RP1: variants seen among roughly 807,000 people sequenced by gnomAD.
The protein encoded by RP1 is RP1 axonemal microtubule associated.
Under a neutral mutation model 14.8 loss-of-function variants are expected in RP1, and 16 were observed. The observed-to-expected ratio is 1.08, with a 90% CI of 0.73 to 1.65. The LOEUF (loss-of-function observed/expected upper bound fraction) is 1.65, where lower values mean the gene tolerates loss of function less well. Ranked by LOEUF, RP1 falls within the 40% of genes most tolerant of loss-of-function variation. The pLI, the probability that RP1 is intolerant of heterozygous loss-of-function variation, is 0.00. For missense variants in RP1, 2,631 were observed against 2,535.0 expected, an observed-to-expected ratio of 1.04 and a Z score of -0.81; for synonymous variants, 876 against 883.6, an observed-to-expected ratio of 0.99 and a Z score of 0.15.
At chr8:54,744,098 C>T (rs1301468054) in intron 19 of RP1, among the ~76,000 whole-genome samples, 1 of 152,146 alleles carries the variant, frequency 6.6e-6, no homozygotes, top group African/African-American at 2.4e-5. Context: ...TCATATTTTT[C>T]AGGTAAAATC....
chr8:54,673,511 G>A (rs1231492992), intron 7 of RP1, among the ~76,000 whole-genome samples: 3 of 152,136 alleles, frequency 2.0e-5, no homozygotes, highest in African/African-American at 4.8e-5. Flanking sequence ...AGGTTGAGGC[G>A]GGCGGATTGC....
At chr8:54,729,596 C>A (rs1324028640) in intron 17 of RP1, among the ~76,000 whole-genome samples, 1 of 152,128 alleles carries the variant, frequency 6.6e-6, no homozygotes, top group Admixed American at 6.6e-5. Flanking sequence ...ACTTACTACT[C>A]CCCCAAAGAG....
At chr8:54,827,232 C>T (rs550968137) in intron 24 of RP1, among the ~76,000 whole-genome samples, 2 of 152,172 alleles carry the variant, frequency 1.3e-5, no homozygotes, top group African/African-American at 4.8e-5. Flanking sequence ...TCATCAATAA[C>T]AAAGTAACCT....
chr8:54,833,357 G>T (rs1340073599), intron 24 of RP1, among the ~76,000 whole-genome samples: 1 of 151,832 alleles, frequency 6.6e-6, no homozygotes, highest in East Asian at 1.9e-4. Context: ...CTCATTTAAG[G>T]TCAAATCCCT....
intron 22 of RP1, among the ~76,000 whole-genome samples, chr8:54,768,642 T>C (rs972371458): frequency 2.0e-5 from 3 of 152,208 alleles, no homozygotes; most frequent in Admixed American, 6.5e-5. Context: ...ACACGACTTT[T>C]CATTTCAGCT....
intron 1 of RP1, among the ~76,000 whole-genome samples, chr8:54,610,622 C>G (rs1444720795): frequency 2.6e-5 from 4 of 152,162 alleles, no homozygotes; most frequent in African/African-American, 9.7e-5. Context: ...GAGGTCCTCT[C>G]CATCTGAATA....
intron 3 of RP1, among the ~76,000 whole-genome samples, chr8:54,636,801 G>A (rs376601993): frequency 4.6e-5 from 7 of 152,242 alleles, no homozygotes; most frequent in African/African-American, 1.7e-4. Flanking sequence ...CATGGATGTG[G>A]TATAGAGAAT....
At chr8:54,739,045 A>AT in intron 19 of RP1, 1 of 1,510,656 alleles carries the variant, frequency 6.6e-7, no homozygotes, top group Non-Finnish European at 8.9e-7. Context: ...CATGTCACTT[A>AT]TTTTTTTCTT....
At chr8:54,863,827 T>C (rs1210152724) in intron 27 of RP1, among the ~76,000 whole-genome samples, 4 of 152,224 alleles carry the variant, frequency 2.6e-5, no homozygotes. Flanking sequence ...CAAATCACTA[T>C]GTGGATAACA....
intron 4 of RP1, among the ~76,000 whole-genome samples, chr8:54,652,597 T>C (rs1391242845): frequency 6.6e-6 from 1 of 152,178 alleles, no homozygotes; most frequent in African/African-American, 2.4e-5. Context: ...GTTTCTCTAT[T>C]CAGTTCTGTT....
chr8:54,677,977 G>A (rs1807333819), intron 8 of RP1, among the ~76,000 whole-genome samples: 1 of 152,054 alleles, frequency 6.6e-6, no homozygotes, highest in African/African-American at 2.4e-5. Context: ...TGTGTACCAG[G>A]TGAGTCTATG....
chr8:54,691,016 T>A (rs559862845), intron 12 of RP1, among the ~76,000 whole-genome samples: 1 of 152,204 alleles, frequency 6.6e-6, no homozygotes, highest in South Asian at 2.1e-4. Flanking sequence ...CAAAAGGCTC[T>A]GGGAGAGAAG....
chr8:54,749,289 C>T (rs1055068630), intron 19 of RP1, among the ~76,000 whole-genome samples: 4 of 151,810 alleles, frequency 2.6e-5, no homozygotes, highest in African/African-American at 9.7e-5. Flanking sequence ...CGAGATCACG[C>T]CACTGCACTC....
intron 1 of RP1, among the ~76,000 whole-genome samples, chr8:54,596,035 A>G (rs966483914): frequency 1.3e-5 from 2 of 152,238 alleles, no homozygotes; most frequent in Admixed American, 6.5e-5. Context: ...AACAAGAATG[A>G]TAATGATACA....
rs756000109 is a variant in RP1 at position 54,630,107 on chromosome 8, A to C, written c.6225A>C (p.Arg2075Ser). 3.7e-6 allele frequency: 6 copies of C among 1,613,964 alleles called. No homozygotes were observed. The East Asian group carries it at 1.1e-4, about 30-fold the overall frequency. ...AGAATAACAACTTATTAAATAACAG[A>C]TTCCAGGGCTCAAGAACAAATCTCA... ...VDENNNLLNN[R>S]FQGSRTNLNQ... The change falls in exon 4 of 4, where the codon AGA (arginine) becomes AGC (serine). Residue 2075 changes from arginine to serine, a missense_variant. By Grantham distance (110) the Arg-to-Ser change is moderately radical. Transcript: ENST00000220676.
rs781249059 is a variant in RP1 at position 54,621,418 on chromosome 8, GC to G, written c.458del (p.Pro153HisfsTer4). ...GCCGTCGCTGCTCCCGGCATGCCCC[GC>G]CCCCCACGGAGCCTAGTGGTCTTCA... ...PVAVAAPGMP[R>X]PPRSLVVFRN... is the part of the protein sequence containing the mutation. On this transcript the variant is annotated frameshift_variant, in exon 2 of 4. Transcript: ENST00000220676. LOFTEE classifies it high-confidence loss of function. 6.2e-7 allele frequency: 1 copy of G among 1,613,090 alleles called. No individual in the cohort carries two copies. The highest frequency in any genetic ancestry group is 8.5e-7 in the Non-Finnish European group (1 of 1,179,846).
At chr8:54,816,813 A>G (rs1324085924) in intron 24 of RP1, among the ~76,000 whole-genome samples, 9 of 151,976 alleles carry the variant, frequency 5.9e-5, no homozygotes, top group Admixed American at 5.9e-4. Context: ...TTCATCCTTC[A>G]TCCATTCTGT....
intron 24 of RP1, among the ~76,000 whole-genome samples, chr8:54,815,620 GTTGGATAGCA>G (rs1337957277): frequency 6.6e-6 from 1 of 152,146 alleles, no homozygotes; most frequent in African/African-American, 2.4e-5. Flanking sequence ...AGACAGATGG[GTTGGATAGCA>G]TCAGAAGCTT....
At chr8:54,830,298 ATAC>A (rs1205109816) in intron 24 of RP1, among the ~76,000 whole-genome samples, 5 of 145,712 alleles carry the variant, frequency 3.4e-5, no homozygotes, top group Admixed American at 6.8e-5. Context: ...TTTTTTTTTT[ATAC>A]TTTAAGTTCT....
Sources: allele counts gnomAD v4.1 joint callset (sites outside exome capture counted in the v4.1 genomes callset), GRCh38; gene constraint gnomAD v4.1.1; transcripts MANE v1.5; gene names NCBI Gene and HGNC (gene_info 2026-07-23, HGNC 2026-07-21).